ZNF100: variants seen among roughly 807,000 people sequenced by gnomAD.
The protein encoded by ZNF100 is zinc finger protein 100 (Y1).
ZNF100 carries 12 observed loss-of-function variants against 15.8 expected under a neutral mutation model. That is an observed-to-expected ratio of 0.76 (90% CI 0.49 to 1.23). The LOEUF (loss-of-function observed/expected upper bound fraction) is 1.23, where lower values mean the gene tolerates loss of function less well. Among genes scored for constraint, ZNF100 ranks in the 50% most tolerant of loss-of-function variants. The probability of loss-of-function intolerance (pLI) is 0.00; values close to 1 mark genes in which losing one functional copy is unlikely to be tolerated. For missense variants in ZNF100, 670 were observed against 635.6 expected (o/e 1.05, Z -0.58); for synonymous variants, 226 against 214.8 (o/e 1.05, Z -0.45).
chr19:21,762,558 C>A (rs2036498761), intron 2 of ZNF100, among the ~76,000 whole-genome samples: 1 of 152,172 alleles, frequency 6.6e-6, no homozygotes, highest in Admixed American at 6.5e-5. Flanking sequence ...CAAACTGATG[C>A]TTTCTGATTG....
At position 21,747,689 on chromosome 19, in the gene ZNF100, T is replaced by C. The variant is rs367797553; in HGVS notation, c.97-2622A>G. ...AACCACACTCCATCCTGAAGTTTTA[T>C]ATTATTTGCTGGCTCTTTAAAGTTT... On this transcript the variant is annotated intron_variant, in intron 2 of 4. Coordinates refer to ENST00000358296, the MANE Select transcript of ZNF100 (RefSeq NM_173531.4). Among the ~76,000 whole-genome samples, 211 of 152,316 alleles carry C rather than the reference T, an allele frequency of 1.4e-3. 1 individual carries two copies. Among genetic ancestry groups the C allele is most frequent in the Admixed American group, 2.3e-3 (35 of 15,298 alleles).
intron 2 of ZNF100, among the ~76,000 whole-genome samples, chr19:21,758,361 C>A (rs2036425156): frequency 6.6e-6 from 1 of 152,164 alleles, no homozygotes; most frequent in Admixed American, 6.5e-5. Context: ...ATAATCTACA[C>A]CAAACCCCCA....
At chr19:21,739,661 A>T (rs907140480) in intron 4 of ZNF100, among the ~76,000 whole-genome samples, 2 of 152,164 alleles carry the variant, frequency 1.3e-5, no homozygotes, top group African/African-American at 4.8e-5. Flanking sequence ...TAAAACTGGC[A>T]ACTCCAACAA....
At chr19:21,748,342 A>G (rs770208834) in intron 2 of ZNF100, among the ~76,000 whole-genome samples, 19 of 152,226 alleles carry the variant, frequency 1.2e-4, no homozygotes, top group Non-Finnish European at 2.4e-4. Context: ...AAGGCCTTCA[A>G]AAAGGGTGAA....
At chr19:21,729,655 T>C (rs1236091486) in intron 4 of ZNF100, among the ~76,000 whole-genome samples, 3 of 152,092 alleles carry the variant, frequency 2.0e-5, no homozygotes, top group African/African-American at 7.2e-5. Context: ...TATATGCACA[T>C]ATATACTTTT....
chr19:21,730,992 A>C (rs2035906794), intron 4 of ZNF100, among the ~76,000 whole-genome samples: 1 of 152,142 alleles, frequency 6.6e-6, no homozygotes, highest in Non-Finnish European at 1.5e-5. Context: ...TTCTCATTGC[A>C]TTTTTGAGAA....
At chr19:21,752,976 G>C (rs2036335046) in intron 2 of ZNF100, 1 of 152,198 alleles carries the variant, frequency 6.6e-6, no homozygotes. Flanking sequence ...GAGTGGCTGG[G>C]ACTGCAGGCG....
chr19:21,732,623 A>AAT lies in ZNF100; in HGVS notation c.323-4636_323-4635dup, dbSNP rs551357705. Among the ~76,000 whole-genome samples, 921 of 148,594 alleles carry AAT rather than the reference A, an allele frequency of 6.2e-3. 6 individuals carry two copies. Among genetic ancestry groups the AAT allele is most frequent in the African/African-American group, 0.015 (627 of 40,860 alleles). ...CCTTAAAATACATAACACAATATAAAATATATATATATATAATATATGTAA... is the reference window on the plus strand; with the variant it reads ...CCTTAAAATACATAACACAATATAAAATATATATATATATATAATATATGTAA... On this transcript the variant is annotated intron_variant, in intron 4 of 4. Coordinates refer to ENST00000358296, the MANE Select transcript of ZNF100 (RefSeq NM_173531.4).
chr19:21,723,958 T>G lies in ZNF100; in HGVS notation c.*2725A>C, dbSNP rs1373939307. The G allele has an allele frequency of 6.6e-6, 1 of 152,218 alleles. No homozygotes were observed. The highest frequency in any genetic ancestry group is 1.5e-5 in the Non-Finnish European group (1 of 68,044). The allele number at this position is 152,218 out of a possible 1,614,324, so 9.4% of individuals were successfully genotyped here. A position where few individuals can be genotyped will look rare whatever the true frequency, so the allele number is the denominator to read the frequency against. On this transcript the variant is annotated 3_prime_UTR_variant, in exon 5 of 5. Coordinates refer to ENST00000358296, the MANE Select transcript of ZNF100 (RefSeq NM_173531.4). ...ATAAAATGTAACTTAATACACTAAT[T>G]GTGGAATTACATTTAAAAATTTTGT...
rs1379307177 is a variant in ZNF100, at chr19:21,725,359, A to G, written c.*1324T>C. On this transcript the variant is annotated 3_prime_UTR_variant, in exon 5 of 5. Coordinates refer to ENST00000358296, the MANE Select transcript of ZNF100 (RefSeq NM_173531.4). ...CATTTTATATAAAAGTATTAGTAAA[A>G]TATACTAATTTTAATTTACTTATAA... 1 of 152,142 alleles carries G rather than the reference A, an allele frequency of 6.6e-6. No individual in the cohort carries two copies. The highest frequency in any genetic ancestry group is 1.5e-5 in the Non-Finnish European group (1 of 68,014). 9.4% of individuals were successfully genotyped at this position (152,142 alleles called of 1,614,324 possible).
chr19:21,758,121 CA>C (rs2036419973), intron 2 of ZNF100, among the ~76,000 whole-genome samples: 1 of 151,722 alleles, frequency 6.6e-6, no homozygotes, highest in Non-Finnish European at 1.5e-5. Context: ...CAAACACCAC[CA>C]AGATAAAGAT....
intron 2 of ZNF100, among the ~76,000 whole-genome samples, chr19:21,758,481 T>C (rs1599405462): frequency 1.3e-5 from 2 of 152,302 alleles, no homozygotes; most frequent in East Asian, 1.9e-4. Flanking sequence ...CTACAGACAG[T>C]GGCCCAGGTG....
chr19:21,750,627 G>GGGAGGC (rs141946434), intron 2 of ZNF100: 14,590 of 189,896 alleles, frequency 0.077, 663 homozygotes, highest in Middle Eastern at 0.1. Flanking sequence ...AGTCAGCTTG[G>GGGAGGC]GGAGGCGGAG....
In ZNF100 at chr19:21,727,786, T is replaced by C. The variant is rs752612576; in HGVS notation, c.526A>G (p.Ile176Val). Reference protein sequence around the residue: ...NQCLITTQSNIFQCDPSAKVF... With the variant: ...NQCLITTQSNVFQCDPSAKVF... ...TTTGCAGATGGATCACATTGAAATATGTTGCTCTGGGTAGTTATCAAACAC... is the reference window on the plus strand; with the variant it reads ...TTTGCAGATGGATCACATTGAAATACGTTGCTCTGGGTAGTTATCAAACAC... Residue 176 changes from isoleucine to valine, a missense_variant, in exon 5 of 5, where the codon ATA becomes GTA. By Grantham distance (29) the Ile-to-Val change is conservative (BLOSUM62 3). Coordinates refer to ENST00000358296, the MANE Select transcript of ZNF100 (RefSeq NM_173531.4). The C allele has an allele frequency of 2.9e-5, 46 of 1,613,724 alleles. No homozygotes were observed. Among genetic ancestry groups the C allele is most frequent in the African/African-American group, 5.3e-5 (4 of 74,922 alleles).
intron 4 of ZNF100, chr19:21,743,373 TC>T (rs1306594004): frequency 6.6e-6 from 1 of 152,186 alleles, no homozygotes; most frequent in African/African-American, 2.4e-5. Flanking sequence ...CCAATAAACT[TC>T]CTATTAAAAT....
At position 21,744,086 on chromosome 19, in the gene ZNF100, T is replaced by A. The variant is rs2036169085; in HGVS notation, c.253A>T (p.Ile85Phe). The A allele has an allele frequency of 6.8e-6, 11 of 1,612,006 alleles. No individual in the cohort carries two copies. Among genetic ancestry groups the A allele is most frequent in the Non-Finnish European group, 9.3e-6 (11 of 1,179,386 alleles). The change falls in exon 4 of 5, where the codon ATC (isoleucine) becomes TTC (phenylalanine). Residue 85 changes from isoleucine (I) to phenylalanine (F), a missense_variant. Transcript: ENST00000358296. ...TCTTTTCCTTGCTCCAGACAGGTGA[T>A]CAGGTCTGGCTTAGTGAGAGCAATA... is the stretch of plus-strand genomic sequence containing the variant. ...AGIALTKPDL[I>F]TCLEQGKEPW...
chr19:21,731,221 A>G (rs1185915549), intron 4 of ZNF100, among the ~76,000 whole-genome samples: 1 of 152,150 alleles, frequency 6.6e-6, no homozygotes, highest in Non-Finnish European at 1.5e-5. Context: ...ATATATGTTT[A>G]TATGAAGAGT....
rs746090261 is a variant in ZNF100 at position 21,727,587 on chromosome 19, A to T, written c.725T>A (p.Phe242Tyr). ...SYQCKDCGKAFNWFSTLTTHR... is the reference protein window; with the variant it reads ...SYQCKDCGKAYNWFSTLTTHR... ...TGTAGTAAGGGTTGAGAACCAGTTG[A>T]AGGCTTTGCCACAATCTTTACATTG... Residue 242 changes from phenylalanine (F) to tyrosine (Y), a missense_variant, in exon 5 of 5, where the codon TTC (phenylalanine) becomes TAC (tyrosine). Phe to Tyr is a conservative substitution (Grantham distance 22). Coordinates refer to ENST00000358296, the MANE Select transcript of ZNF100 (RefSeq NM_173531.4). The T allele has an allele frequency of 6.2e-7, 1 of 1,613,448 alleles. No homozygotes were observed. The highest frequency in any genetic ancestry group is 8.5e-7 in the Non-Finnish European group (1 of 1,179,700).
At chr19:21,765,873 T>G in intron 1 of ZNF100, 87 bp from the exon 2 acceptor site, 1 of 1,341,336 alleles carries the variant, frequency 7.5e-7, no homozygotes, top group Non-Finnish European at 1.1e-6. Flanking sequence ...TATCCACAGA[T>G]AGTACTGAAA....
Sources: allele counts gnomAD v4.1 joint callset (sites outside exome capture counted in the v4.1 genomes callset), GRCh38; gene constraint gnomAD v4.1.1; transcripts MANE v1.5; gene names NCBI Gene and HGNC (gene_info 2026-07-23, HGNC 2026-07-21).